PLCE1: variants seen among roughly 807,000 people sequenced by gnomAD.
The protein encoded by PLCE1 is 1-phosphatidylinositol 4,5-bisphosphate phosphodiesterase epsilon-1.
PLCE1 carries 119 observed loss-of-function variants against 242.8 expected under a neutral mutation model. The observed-to-expected ratio is 0.49, with a 90% CI of 0.42 to 0.57. The LOEUF is 0.57. PLCE1 is among the 20% of genes least tolerant of loss of function. The probability of loss-of-function intolerance (pLI) is 0.00; values close to 1 mark genes in which losing one functional copy is unlikely to be tolerated. For missense variants in PLCE1, 2,441 were observed against 2,788.8 expected (o/e 0.88, Z 2.81); for synonymous variants, 945 against 1,017.4 (o/e 0.93, Z 1.35).
intron 2 of PLCE1, chr10:94,107,568 A>G (rs184830230): frequency 2.6e-4 from 40 of 152,326 alleles, no homozygotes; most frequent in African/African-American, 9.1e-4. Flanking sequence ...GGGCTAGTAA[A>G]CAGTGGACTC....
chr10:94,118,572 T>C (rs1320103287), intron 2 of PLCE1, among the ~76,000 whole-genome samples: 1 of 152,150 alleles, frequency 6.6e-6, no homozygotes, highest in Non-Finnish European at 1.5e-5. Flanking sequence ...GATCTGATGG[T>C]TTTAAAAATG....
At chr10:94,053,669 A>G (rs937468121) in intron 2 of PLCE1, among the ~76,000 whole-genome samples, 1 of 152,222 alleles carries the variant, frequency 6.6e-6, no homozygotes, top group African/African-American at 2.4e-5. Flanking sequence ...AGCTTGCTCC[A>G]GAGTGAGGTC....
chr10:93,994,797 C>G (rs1228755787), intron 1 of PLCE1, among the ~76,000 whole-genome samples: 2 of 152,224 alleles, frequency 1.3e-5, no homozygotes, highest in African/African-American at 4.8e-5. Flanking sequence ...TTTGTGGAAG[C>G]TTTCGCCCCT....
At chr10:94,291,337 C>G (rs2052639350) in intron 22 of PLCE1, among the ~76,000 whole-genome samples, 1 of 152,132 alleles carries the variant, frequency 6.6e-6, no homozygotes, top group Admixed American at 6.5e-5. Flanking sequence ...GCTCAAACTT[C>G]CATCTCGAAG....
chr10:94,180,487 G>T (rs2048278489), intron 4 of PLCE1, among the ~76,000 whole-genome samples: 1 of 152,136 alleles, frequency 6.6e-6, no homozygotes, highest in Non-Finnish European at 1.5e-5. Flanking sequence ...TTGGCTCTGA[G>T]GTTTCCTTTG....
intron 23 of PLCE1, among the ~76,000 whole-genome samples, chr10:94,296,638 C>T (rs1209522394): frequency 2.6e-5 from 4 of 152,118 alleles, no homozygotes; most frequent in Non-Finnish European, 5.9e-5. Flanking sequence ...TATGTTGTGG[C>T]TGGTTTAATC....
chr10:94,326,144 G>A (rs749099768), intron 32 of PLCE1, among the ~76,000 whole-genome samples: 13 of 152,154 alleles, frequency 8.5e-5, no homozygotes, highest in Non-Finnish European at 1.5e-4. Context: ...CCTGTTCCAT[G>A]GTAGTTCACA....
intron 21 of PLCE1, among the ~76,000 whole-genome samples, 158 bp downstream of exon 21, chr10:94,284,069 C>A (rs796565818): frequency 6.6e-6 from 1 of 152,308 alleles, no homozygotes; most frequent in Non-Finnish European, 1.5e-5. Context: ...AAAAGACACC[C>A]ACCTTCCATT....
chr10:94,293,806 T>C (rs1260375361), intron 23 of PLCE1, among the ~76,000 whole-genome samples, 167 bp downstream of exon 23: 1 of 152,148 alleles, frequency 6.6e-6, no homozygotes, highest in Non-Finnish European at 1.5e-5. Context: ...ACTTTTAACG[T>C]ACTAAAAACA....
At chr10:94,053,481 A>G (rs1214851302) in intron 2 of PLCE1, among the ~76,000 whole-genome samples, 1 of 152,214 alleles carries the variant, frequency 6.6e-6, no homozygotes, top group African/African-American at 2.4e-5. Flanking sequence ...TTACTTTGCT[A>G]TGTGGTCATT....
intron 22 of PLCE1, among the ~76,000 whole-genome samples, chr10:94,290,334 TC>T (rs2052600608): frequency 1.3e-5 from 2 of 150,498 alleles, no homozygotes; most frequent in East Asian, 3.9e-4. Context: ...CTTATTTTTC[TC>T]CTTTTTTTTT....
chr10:94,273,515 T>C, intron 18 of PLCE1, 47 bp from the exon 19 acceptor site: 5 of 1,515,472 alleles, frequency 3.3e-6, no homozygotes, highest in Non-Finnish European at 4.6e-6. Flanking sequence ...TATTTATCAA[T>C]TATAGATAAA....
chr10:94,184,604 A>G (rs1341130528), intron 4 of PLCE1, among the ~76,000 whole-genome samples: 1 of 152,208 alleles, frequency 6.6e-6, no homozygotes, highest in Non-Finnish European at 1.5e-5. Flanking sequence ...TGCTGGGATT[A>G]TAGGCACGAG....
intron 7 of PLCE1, among the ~76,000 whole-genome samples, chr10:94,238,917 G>T (rs542461740): frequency 6.6e-6 from 1 of 152,190 alleles, no homozygotes; most frequent in Non-Finnish European, 1.5e-5. Context: ...TGCTTCAGCT[G>T]ATTAAGAACT....
intron 22 of PLCE1, among the ~76,000 whole-genome samples, chr10:94,289,384 A>C (rs796741926): frequency 1.3e-5 from 2 of 152,336 alleles, no homozygotes; most frequent in African/African-American, 4.8e-5. Flanking sequence ...CTGGGAGAGC[A>C]TCCAGAAGAA....
At chr10:93,999,680 G>A (rs900387948) in intron 1 of PLCE1, among the ~76,000 whole-genome samples, 6 of 152,134 alleles carry the variant, frequency 3.9e-5, no homozygotes, top group Admixed American at 3.3e-4. Flanking sequence ...CCTCCCTCTC[G>A]CTCCCACCTC....
chr10:94,179,530 T>TTTTTTTTTTTTTTTTTTAGA (rs10636243), intron 4 of PLCE1, among the ~76,000 whole-genome samples: 1 of 118,826 alleles, frequency 8.4e-6, no homozygotes, highest in African/African-American at 3.2e-5. Flanking sequence ...TTTTTTTTTT[T>TTTTTTTTTTTTTTTTTTAGA]GACAGGGTCT....
chr10:94,127,432 G>T (rs543012631), intron 2 of PLCE1, among the ~76,000 whole-genome samples: 1 of 152,106 alleles, frequency 6.6e-6, no homozygotes, highest in South Asian at 2.1e-4. Flanking sequence ...TCATCCTCCC[G>T]CAATCTAGTT....
At chr10:94,186,455 G>T (rs1306374147) in intron 4 of PLCE1, among the ~76,000 whole-genome samples, 1 of 152,080 alleles carries the variant, frequency 6.6e-6, no homozygotes, top group Non-Finnish European at 1.5e-5. Context: ...GGGCATTCAG[G>T]CCTATCAAAA....
Sources: gnomAD v4.1 joint callset for allele counts (sites outside exome capture counted in the v4.1 genomes callset) on GRCh38, gnomAD v4.1.1 for gene constraint, MANE v1.5 for transcripts, NCBI Gene and HGNC (gene_info 2026-07-23, HGNC 2026-07-21) for gene names.